MICAL2: variants seen among roughly 807,000 people sequenced by gnomAD.
MICAL2 encodes [F-actin]-monooxygenase MICAL2.
In MICAL2, 77 loss-of-function variants were observed where a neutral mutation model predicts 127.3. The ratio of observed to expected loss-of-function variants is 0.60; its 90% CI spans 0.50 to 0.73. The LOEUF is 0.73. MICAL2 is among the 30% of genes least tolerant of loss of function. The pLI is 0.00. For missense variants in MICAL2, 1,351 were observed against 1,434.4 expected (o/e 0.94, Z 0.94); for synonymous variants, 570 against 551.1 (o/e 1.03, Z -0.48).
downstream of MICAL2, chr11:12,292,369 T>G: frequency 1.3e-6 from 2 of 1,525,124 alleles, no homozygotes; most frequent in African/African-American, 2.7e-5. Context: ...CCTTCCACAC[T>G]TATCTCTGGA....
chr11:12,191,758 C>T (rs547520547), intron 3 of MICAL2, among the ~76,000 whole-genome samples: 17 of 147,846 alleles, frequency 1.1e-4, no homozygotes, highest in Admixed American at 9.5e-4. Flanking sequence ...CAGAGTGAGA[C>T]CCTGTCTCCA....
rs2134197675 is a variant in MICAL2 at position 12,213,269 on chromosome 11, G to T, written c.706G>T (p.Glu236Ter). 1.9e-6 allele frequency: 3 copies of T among 1,612,120 alleles called. No homozygotes were observed. Among genetic ancestry groups the T allele is most frequent in the Non-Finnish European group, 2.5e-6 (3 of 1,178,960 alleles). Residue 236 changes from glutamate to a stop codon, truncating the protein, a stop_gained, in exon 7 of 28, where the codon GAA becomes TAA. Coordinates refer to ENST00000683283, the MANE Select transcript of MICAL2 (RefSeq NM_001282663.2). LOFTEE classifies it high-confidence loss of function. ...RNTLEGFRRK[E>*]FRGKLAIAIT... ...TCCTCATGCAGGGTTCAGAAGAAAA[G>T]AATTCCGTGGGAAGCTGGCGATTGC...
chr11:12,189,075 G>A (rs1378998591), intron 3 of MICAL2, among the ~76,000 whole-genome samples: 1 of 152,130 alleles, frequency 6.6e-6, no homozygotes, highest in Non-Finnish European at 1.5e-5. Flanking sequence ...CTCCCACTCT[G>A]AGAACCTGAG....
chr11:12,321,401 AC>A (rs1864293889), intron 30 of MICAL2, among the ~76,000 whole-genome samples: 1 of 152,160 alleles, frequency 6.6e-6, no homozygotes, highest in African/African-American at 2.4e-5. Context: ...GCTCAAATGA[AC>A]CTTTGCACAG....
At chr11:12,169,371 C>T (rs574235767) in intron 3 of MICAL2, among the ~76,000 whole-genome samples, 46 of 92,964 alleles carry the variant, frequency 4.9e-4, no homozygotes, top group African/African-American at 1.5e-3. Context: ...CACAATAGCA[C>T]CATCTCTTTT....
intron 3 of MICAL2, among the ~76,000 whole-genome samples, chr11:12,172,576 G>A (rs1227858691): frequency 6.6e-6 from 1 of 152,084 alleles, no homozygotes; most frequent in African/African-American, 2.4e-5. Context: ...TAGTGTTGTA[G>A]GACTTTCTCC....
downstream of MICAL2, among the ~76,000 whole-genome samples, chr11:12,290,470 A>C (rs1451381942): frequency 2.0e-5 from 3 of 152,190 alleles, no homozygotes; most frequent in Non-Finnish European, 4.4e-5. Flanking sequence ...TTGATTCAGA[A>C]GATGGCAGAG....
In MICAL2 at chr11:12,262,752, G is replaced by C. The variant is rs1269495584; in HGVS notation, c.*17+215G>C. ...TCATTTCCCATGGAGCTGGCAGCCT[G>C]GTCTACCCCAAGTGCATGCCCCGCC... On this transcript the variant is annotated intron_variant, in intron 27 of 27. Transcript: ENST00000683283. 3 of 544,614 alleles carry C rather than the reference G, an allele frequency of 5.5e-6. No individual in the cohort carries two copies. In the East Asian group the frequency reaches 9.2e-5, roughly 17 times the overall value. The allele number at this position is 544,614 out of a possible 1,614,324, so 33.7% of individuals were successfully genotyped here. A position where few individuals can be genotyped will look rare whatever the true frequency, so the allele number is the denominator to read the frequency against.
At chr11:12,284,748 G>A (rs541588634) in intron 2 of MICAL2, among the ~76,000 whole-genome samples, 2 of 152,272 alleles carry the variant, frequency 1.3e-5, no homozygotes, top group South Asian at 4.1e-4. Flanking sequence ...GCCAGCAATT[G>A]GGGGGTGGGC....
At chr11:12,268,117 G>T (rs892840038), downstream of MICAL2, among the ~76,000 whole-genome samples, 1 of 152,232 alleles carries the variant, frequency 6.6e-6, no homozygotes, top group Non-Finnish European at 1.5e-5. Context: ...GCCATCTCGG[G>T]CTGGGGAAGG....
At chr11:12,312,535 T>A (rs892966996) in intron 29 of MICAL2, among the ~76,000 whole-genome samples, 1 of 152,122 alleles carries the variant, frequency 6.6e-6, no homozygotes, top group Non-Finnish European at 1.5e-5. Context: ...AAGAGAAAAC[T>A]TCCCCCTCAC....
At chr11:12,158,123 T>C (rs936291301) in intron 2 of MICAL2, among the ~76,000 whole-genome samples, 1 of 152,094 alleles carries the variant, frequency 6.6e-6, no homozygotes. Flanking sequence ...GAAGTGTTCA[T>C]TGGAGTCTTC....
intron 33 of MICAL2, among the ~76,000 whole-genome samples, chr11:12,350,858 CAG>C (rs1369998053): frequency 1.3e-5 from 2 of 152,112 alleles, no homozygotes; most frequent in East Asian, 3.9e-4. Context: ...GTCTGGAAGC[CAG>C]AAGTTCAAAA....
downstream of MICAL2, among the ~76,000 whole-genome samples, chr11:12,267,482 C>G (rs1863622022): frequency 6.6e-6 from 1 of 152,170 alleles, no homozygotes; most frequent in African/African-American, 2.4e-5. Context: ...GCTGTCCATT[C>G]CTCACCACCT....
At chr11:12,282,648 A>G (rs1863784634) in intron 2 of MICAL2, among the ~76,000 whole-genome samples, 1 of 152,216 alleles carries the variant, frequency 6.6e-6, no homozygotes, top group Non-Finnish European at 1.5e-5. Context: ...CAGCATTTAA[A>G]AGGAAACACA....
chr11:12,224,877 T>G (rs1409360585), intron 13 of MICAL2, 57 bp downstream of exon 13: 56 of 1,543,220 alleles, frequency 3.6e-5, no homozygotes, highest in Non-Finnish European at 4.9e-5. Context: ...GCCATTCTGC[T>G]GCATGCAGAA....
At chr11:12,117,146 C>A (rs1441323258) in intron 1 of MICAL2, among the ~76,000 whole-genome samples, 1 of 152,188 alleles carries the variant, frequency 6.6e-6, no homozygotes, top group Non-Finnish European at 1.5e-5. Flanking sequence ...GGCAGAAGAA[C>A]CGGAGCTGTG....
chr11:12,281,284 G>T (rs1863767901), intron 2 of MICAL2, among the ~76,000 whole-genome samples: 1 of 152,226 alleles, frequency 6.6e-6, no homozygotes, highest in Non-Finnish European at 1.5e-5. Flanking sequence ...ACCAGGCCTG[G>T]CTTCCCTCTC....
chr11:12,189,189 G>A (rs1033312410), intron 3 of MICAL2, among the ~76,000 whole-genome samples: 14 of 152,082 alleles, frequency 9.2e-5, no homozygotes, highest in African/African-American at 3.1e-4. Flanking sequence ...TTCCTGCCTA[G>A]TGGGACCTCT....
Sources: allele counts gnomAD v4.1 joint callset (sites outside exome capture counted in the v4.1 genomes callset), GRCh38; gene constraint gnomAD v4.1.1; transcripts MANE v1.5; gene names NCBI Gene and HGNC (gene_info 2026-07-23, HGNC 2026-07-21).